Variants in CAP2 observed in about 807,000 individuals in gnomAD.
The protein encoded by CAP2 is adenylyl cyclase-associated protein 2.
Under a neutral mutation model 57.7 loss-of-function variants are expected in CAP2, and 24 were observed. The ratio of observed to expected loss-of-function variants is 0.42; its 90% CI spans 0.30 to 0.58. The LOEUF (loss-of-function observed/expected upper bound fraction) is 0.58. Among genes scored for constraint, CAP2 ranks in the 20% least tolerant of loss-of-function variants. The pLI is 0.22. For synonymous variants in CAP2, 194 were observed against 207.2 expected (o/e 0.94, Z 0.55); for missense variants, 501 against 590.3 (o/e 0.85, Z 1.57).
intron 1 of CAP2, among the ~76,000 whole-genome samples, chr6:17,403,509 T>C (rs1216711277): frequency 2.6e-5 from 4 of 152,256 alleles, no homozygotes; most frequent in Non-Finnish European, 5.9e-5. Flanking sequence ...TTTTATTTAC[T>C]TTTAGTAATT....
At chr6:17,526,387 G>A (rs1217790968) in intron 7 of CAP2, among the ~76,000 whole-genome samples, 1 of 151,784 alleles carries the variant, frequency 6.6e-6, no homozygotes, top group Non-Finnish European at 1.5e-5. Context: ...CAAAGTGCTG[G>A]GATTACAGGC....
intron 3 of CAP2, among the ~76,000 whole-genome samples, chr6:17,431,931 G>A (rs184947840): frequency 6.6e-6 from 1 of 152,084 alleles, no homozygotes; most frequent in East Asian, 1.9e-4. Context: ...TGCCAGGGAA[G>A]ATGCCCTGAG....
intron 6 of CAP2, among the ~76,000 whole-genome samples, chr6:17,508,600 G>T (rs1762051381): frequency 6.6e-6 from 1 of 152,108 alleles, no homozygotes; most frequent in South Asian, 2.1e-4. Flanking sequence ...CTCAAGAGTG[G>T]ATCTCCCTCT....
intron 7 of CAP2, among the ~76,000 whole-genome samples, chr6:17,520,825 T>C (rs1337014568): frequency 6.6e-6 from 1 of 152,238 alleles, no homozygotes; most frequent in Non-Finnish European, 1.5e-5. Flanking sequence ...AAGAGAAAAC[T>C]GTTCTTAAGC....
intron 4 of CAP2, among the ~76,000 whole-genome samples, chr6:17,485,375 T>A (rs1581559613): frequency 6.6e-6 from 1 of 152,334 alleles, no homozygotes; most frequent in African/African-American, 2.4e-5. Flanking sequence ...CCTGCAGTGA[T>A]CAACTGGGCT....
In CAP2 at chr6:17,543,140, C is replaced by A. The variant is rs1472994873; in HGVS notation, c.1206C>A (p.Ile402=). 3 of 1,612,300 alleles carry A rather than the reference C, an allele frequency of 1.9e-6. No homozygotes were observed. Among genetic ancestry groups the A allele is most frequent in the African/African-American group, 1.3e-5 (1 of 74,782 alleles). The stretch of plus-strand genomic sequence containing the variant: ...TGATCAACTCCCAGGACATTCAAAT[C>A]CAGGTAAGCAGAGCCTTTCCAACCA... ...VEVINSQDIQ[I]QVMGRVPTIS... Residue 402 remains isoleucine, a synonymous_variant, in exon 11 of 13, where the codon ATC becomes ATA. Coordinates refer to ENST00000229922, the MANE Select transcript of CAP2 (RefSeq NM_006366.3).
At chr6:17,489,017 G>A (rs1041338518) in intron 4 of CAP2, among the ~76,000 whole-genome samples, 11 of 152,150 alleles carry the variant, frequency 7.2e-5, no homozygotes, top group African/African-American at 2.2e-4. Context: ...ACCATTACCC[G>A]TTTTGCCTTT....
intron 1 of CAP2, among the ~76,000 whole-genome samples, chr6:17,409,947 T>G (rs1465363450): frequency 6.6e-6 from 1 of 152,204 alleles, no homozygotes; most frequent in Non-Finnish European, 1.5e-5. Flanking sequence ...CCACCCCTTC[T>G]AACTACTCAT....
At chr6:17,546,160 CA>C (rs1185606845) in intron 11 of CAP2, among the ~76,000 whole-genome samples, 1 of 152,226 alleles carries the variant, frequency 6.6e-6, no homozygotes, top group Non-Finnish European at 1.5e-5. Context: ...GTCCCACCAA[CA>C]GTGTAAAAGT....
At chr6:17,448,656 A>G (rs1760324414) in intron 3 of CAP2, among the ~76,000 whole-genome samples, 2 of 152,184 alleles carry the variant, frequency 1.3e-5, no homozygotes, top group Non-Finnish European at 2.9e-5. Context: ...TTGGTCTTAC[A>G]TTATAGATTT....
chr6:17,471,599 G>A (rs1410368197), intron 4 of CAP2, among the ~76,000 whole-genome samples: 1 of 152,170 alleles, frequency 6.6e-6, no homozygotes, highest in Non-Finnish European at 1.5e-5. Flanking sequence ...TTGGGAGTCC[G>A]AGGCGGGCGG....
intron 1 of CAP2, among the ~76,000 whole-genome samples, chr6:17,395,069 G>A (rs4716140): frequency 0.25 from 37,521 of 151,254 alleles, 4,868 homozygotes; most frequent in South Asian, 0.35. Context: ...TACTTCTTAA[G>A]GATAAAGAGA....
rs1244476715 is a variant in CAP2, at chr6:17,557,560, C to T, written c.*1118C>T. On this transcript the variant is annotated 3_prime_UTR_variant, in exon 13 of 13. Transcript: ENST00000229922. ...TGAATTATAGTATAATGCTTGCAGG[C>T]CCAGTACAAGCATATATATTGTGCC... 2 of 152,070 alleles carry T rather than the reference C, an allele frequency of 1.3e-5. No homozygotes were observed. The highest frequency in any genetic ancestry group is 2.9e-5 in the Non-Finnish European group (2 of 68,014). The allele number at this position is 152,070 out of a possible 1,614,324, so 9.4% of individuals were successfully genotyped here. A position where few individuals can be genotyped will look rare whatever the true frequency, so the allele number is the denominator to read the frequency against.
intron 3 of CAP2, among the ~76,000 whole-genome samples, chr6:17,458,286 G>T (rs1760629640): frequency 6.6e-6 from 1 of 152,190 alleles, no homozygotes; most frequent in African/African-American, 2.4e-5. Context: ...CCAGGATAAA[G>T]AGAAAGAAGA....
intron 4 of CAP2, among the ~76,000 whole-genome samples, chr6:17,464,822 T>C (rs1275099933): frequency 6.6e-6 from 1 of 152,162 alleles, no homozygotes; most frequent in Non-Finnish European, 1.5e-5. Flanking sequence ...AACTGGGAAA[T>C]CACAAAGCGA....
intron 3 of CAP2, among the ~76,000 whole-genome samples, chr6:17,439,787 G>T (rs901654579): frequency 6.6e-6 from 1 of 151,438 alleles, no homozygotes; most frequent in Non-Finnish European, 1.5e-5. Context: ...TAATGCAAGC[G>T]ATGGGGAGTG....
In CAP2 at chr6:17,454,027, C is replaced by A. The variant is rs185048014; in HGVS notation, c.223-8969C>A. On this transcript the variant is annotated intron_variant, in intron 3 of 12. Transcript: ENST00000229922. ...AGCCTCCCACCTCAGCCTCCCACCTCAGCCTCCCGAGTAGCTGGAACCACA... is the reference window on the plus strand; with the variant it reads ...AGCCTCCCACCTCAGCCTCCCACCTAAGCCTCCCGAGTAGCTGGAACCACA... Among the ~76,000 whole-genome samples the A allele has an allele frequency of 6.9e-3, 1,029 of 149,128 alleles. 5 individuals are homozygous for A. The highest frequency in any genetic ancestry group is 0.012 in the Non-Finnish European group (791 of 67,844).
chr6:17,398,633 T>C (rs1242901806), intron 1 of CAP2, among the ~76,000 whole-genome samples: 1 of 151,728 alleles, frequency 6.6e-6, no homozygotes, highest in Non-Finnish European at 1.5e-5. Flanking sequence ...CAGGCCATTC[T>C]CCTGCCTCAG....
intron 7 of CAP2, 129 bp from the exon 8 acceptor site, chr6:17,539,140 C>A: frequency 1.3e-6 from 1 of 780,550 alleles, no homozygotes; most frequent in Non-Finnish European, 2.1e-6. Flanking sequence ...ACAGGTGTGC[C>A]CTCTGGGAGC....
Sources: allele counts gnomAD v4.1 joint callset (sites outside exome capture counted in the v4.1 genomes callset), GRCh38; gene constraint gnomAD v4.1.1; transcripts MANE v1.5; gene names NCBI Gene and HGNC (gene_info 2026-07-23, HGNC 2026-07-21).